The following SF3B3 variants were observed in gnomAD, a reference collection of about 807,000 sequenced individuals.
The protein encoded by SF3B3 is SAP 130.
Under a neutral mutation model 139.2 loss-of-function variants are expected in SF3B3, and 33 were observed. The ratio of observed to expected loss-of-function variants is 0.24; its 90% CI spans 0.18 to 0.32. SF3B3 has a LOEUF of 0.32. SF3B3 is among the 10% of genes least tolerant of loss of function. The pLI is 1.00. For synonymous variants in SF3B3, 596 were observed against 563.6 expected (o/e 1.06, Z -0.81); for missense variants, 818 against 1,509.4 (o/e 0.54, Z 7.59).
intron 24 of SF3B3, 100 bp from the exon 25 acceptor site, chr16:70,570,995 T>C: frequency 1.3e-6 from 1 of 794,608 alleles, no homozygotes; most frequent in South Asian, 1.4e-5. Flanking sequence ...CGTGTGTTTG[T>C]GTAGTAAAAA....
chr16:70,554,401 T>A (rs765706083), intron 11 of SF3B3, 45 bp from the exon 12 acceptor site: 7 of 1,587,180 alleles, frequency 4.4e-6, no homozygotes, highest in Non-Finnish European at 5.2e-6. Context: ...GCTTTGTAAT[T>A]CTAATGAGTT....
At chr16:70,528,438 A>G (rs2151773957) in intron 2 of SF3B3, among the ~76,000 whole-genome samples, 2 of 148,230 alleles carry the variant, frequency 1.3e-5, no homozygotes, top group African/African-American at 4.9e-5. Flanking sequence ...GTGCTGGGAT[A>G]ACAGGTGTGA....
rs896884895 is a variant in SF3B3, at chr16:70,556,562, C to T, written c.1866+228C>T. 6.5e-6 allele frequency: 4 copies of T among 614,736 alleles called. No individual in the cohort carries two copies. The African/African-American group carries it at 7.4e-5, about 11-fold the overall frequency. 38.1% of individuals were successfully genotyped at this position (614,736 alleles called of 1,614,324 possible). The stretch of plus-strand genomic sequence containing the variant: ...ACAGAAATGTTTCTTTGGCTTAAGC[C>T]TCAACTCCTTTTTTTAAGTTAACAA... On this transcript the variant is annotated intron_variant, in intron 14 of 25. Transcript: ENST00000302516.
chr16:70,562,015 G>A (rs1302928045), intron 17 of SF3B3, among the ~76,000 whole-genome samples: 2 of 152,210 alleles, frequency 1.3e-5, no homozygotes, highest in Non-Finnish European at 2.9e-5. Flanking sequence ...CTTTAATACA[G>A]TCCAATCTTC....
Position 70,560,575 on chromosome 16 carries a change from T to C in SF3B3, c.2117T>C (p.Met706Thr). ...SRPVKLFRVRMQGQEAVLAMS... is the reference protein window; with the variant it reads ...SRPVKLFRVRTQGQEAVLAMS... ...CCTGTGAAGCTCTTCCGAGTCCGAA[T>C]GCAAGGCCAGGAGGCAGTAAGTAAT... Residue 706 changes from methionine (M) to threonine (T), a missense_variant, in exon 16 of 26, where the codon ATG becomes ACG. This residue lies in a region of SF3B3 where 170 missense variants were observed against 353.0 expected (regional missense o/e 0.48). Transcript: ENST00000302516. 6.2e-7 allele frequency: 1 copy of C among 1,613,718 alleles called. No homozygotes were observed. The highest frequency in any genetic ancestry group is 8.5e-7 in the Non-Finnish European group (1 of 1,179,672).
Position 70,527,781 on chromosome 16 carries a change from T to C in SF3B3, c.70+1055T>C, listed in dbSNP as rs190180726. ...TTTTTTGTTTGTTTTGTTTTTGTTT[T>C]TGTTTTTTCCTTGAAACAGAGTCCT... On this transcript the variant is annotated intron_variant, in intron 2 of 25. Coordinates refer to ENST00000302516, the MANE Select transcript of SF3B3 (RefSeq NM_012426.5). Among the ~76,000 whole-genome samples, 167 of 152,330 alleles carry C rather than the reference T, an allele frequency of 1.1e-3. 1 individual carries two copies. The highest frequency in any genetic ancestry group is 3.4e-3 in the Middle Eastern group (1 of 294).
At chr16:70,532,865 G>C (rs2151777069) in intron 5 of SF3B3, among the ~76,000 whole-genome samples, 1 of 152,332 alleles carries the variant, frequency 6.6e-6, no homozygotes, top group East Asian at 1.9e-4. Flanking sequence ...GAAGGGAGCA[G>C]TCAGCTTGGA....
At chr16:70,559,701 T>C (rs544519884) in intron 15 of SF3B3, among the ~76,000 whole-genome samples, 78 of 151,404 alleles carry the variant, frequency 5.2e-4, no homozygotes, top group African/African-American at 1.8e-3. Flanking sequence ...AATAAATAAA[T>C]AAAAATTTAA....
At position 70,560,492 on chromosome 16, in the gene SF3B3, C is replaced by T. The variant is rs1353986010; in HGVS notation, c.2034C>T (p.Val678=). The part of the protein sequence containing the change: ...GLQNGVLLRT[V]LDPVTGDLSD... ...AGAACGGTGTGCTGCTGAGGACTGT[C>T]TTGGACCCTGTCACTGGGGATTTGT... The change falls in exon 16 of 26, where the codon GTC becomes GTT. Residue 678 remains valine (V), a synonymous_variant. Coordinates refer to ENST00000302516, the MANE Select transcript of SF3B3 (RefSeq NM_012426.5). 1.9e-6 allele frequency: 3 copies of T among 1,613,924 alleles called. No homozygotes were observed. The highest frequency in any genetic ancestry group is 2.2e-5 in the South Asian group (2 of 91,074).
rs142549450 is a variant in SF3B3, at chr16:70,567,546, C to T, written c.2952+10C>T. 4 of 1,611,424 alleles carry T rather than the reference C, an allele frequency of 2.5e-6. No homozygotes were observed. In the African/African-American group the frequency reaches 5.3e-5, roughly 21 times the overall value. ...AAAATGTGAGAATAAGGTAAGTGTG[C>T]TGGCATTGGTGCTGAGATCTAGCTC... On this transcript the variant is annotated intron_variant, in intron 21 of 25. Coordinates refer to ENST00000302516, the MANE Select transcript of SF3B3 (RefSeq NM_012426.5).
At chr16:70,529,475 T>G (rs1189354105) in intron 3 of SF3B3, 3 of 462,486 alleles carry the variant, frequency 6.5e-6, no homozygotes, top group Non-Finnish European at 1.2e-5. Flanking sequence ...GAAATGATCT[T>G]ATGTTATTAG....
At chr16:70,545,239 G>A (rs1426509595) in intron 10 of SF3B3, among the ~76,000 whole-genome samples, 2 of 151,994 alleles carry the variant, frequency 1.3e-5, no homozygotes, top group African/African-American at 2.4e-5. Flanking sequence ...GCTAATTTTT[G>A]TACTTTTTGT....
Position 70,572,946 on chromosome 16 carries a change from C to G in SF3B3, c.*1133C>G, listed in dbSNP as rs1017250623. 15 of 152,204 alleles carry G rather than the reference C, an allele frequency of 9.9e-5. No homozygotes were observed. Among genetic ancestry groups the G allele is most frequent in the African/African-American group, 3.4e-4 (14 of 41,450 alleles). 9.4% of individuals were successfully genotyped at this position (152,204 alleles called of 1,614,324 possible). A position where few individuals can be genotyped will look rare whatever the true frequency, so the allele number is the denominator to read the frequency against. ...AACCTGGAGAAGTGAGCTCACTGTT[C>G]TCAATACTTCACAAATGTAAAACTT... On this transcript the variant is annotated 3_prime_UTR_variant, in exon 26 of 26. Coordinates refer to ENST00000302516, the MANE Select transcript of SF3B3 (RefSeq NM_012426.5).
chr16:70,567,922 A>C (rs2151795078), intron 21 of SF3B3, among the ~76,000 whole-genome samples: 1 of 152,194 alleles, frequency 6.6e-6, no homozygotes, highest in South Asian at 2.1e-4. Context: ...TCCTGATCTC[A>C]TGATCTACCC....
intron 6 of SF3B3, among the ~76,000 whole-genome samples, chr16:70,535,788 C>T (rs1011742527): frequency 2.6e-5 from 4 of 150,996 alleles, no homozygotes; most frequent in Admixed American, 6.6e-5. Context: ...TTGAAAATTC[C>T]AACATACAGA....
chr16:70,546,993 A>C (rs903579980), intron 10 of SF3B3, among the ~76,000 whole-genome samples: 2 of 151,778 alleles, frequency 1.3e-5, no homozygotes, highest in Non-Finnish European at 2.9e-5. Flanking sequence ...GCGCCATTGC[A>C]CTCGAGCCTG....
intron 17 of SF3B3, 62 bp from the exon 18 acceptor site, chr16:70,563,814 T>C (rs759516010): frequency 1.0e-5 from 16 of 1,538,378 alleles, no homozygotes; most frequent in Admixed American, 1.0e-4. Flanking sequence ...TCAAAGTCTA[T>C]TTCAACACCA....
chr16:70,526,068 C>G (rs1218973278), intron 1 of SF3B3, among the ~76,000 whole-genome samples: 1 of 151,658 alleles, frequency 6.6e-6, no homozygotes, highest in Non-Finnish European at 1.5e-5. Flanking sequence ...GATCTTGCCA[C>G]CCTGCTTTTG....
intron 10 of SF3B3, among the ~76,000 whole-genome samples, chr16:70,547,836 C>T (rs550785344): frequency 4.4e-4 from 67 of 152,312 alleles, no homozygotes; most frequent in Admixed American, 4.2e-3. Flanking sequence ...GCAATCCACC[C>T]GCCTCGGCAT....
Sources: gnomAD v4.1 joint callset for allele counts (sites outside exome capture counted in the v4.1 genomes callset) on GRCh38, gnomAD v4.1.1 for gene constraint, gnomAD v4.1.1 regional missense constraint, MANE v1.5 for transcripts, NCBI Gene and HGNC (gene_info 2026-07-23, HGNC 2026-07-21) for gene names.